The following ELAVL3 variants were observed in gnomAD, a reference collection of about 807,000 sequenced individuals.
ELAVL3 encodes ELAV-like protein 3.
In ELAVL3, 8 loss-of-function variants were observed where a neutral mutation model predicts 34.2. The ratio of observed to expected loss-of-function variants is 0.23; its 90% CI spans 0.14 to 0.42. The LOEUF is 0.42. Among genes scored for constraint, ELAVL3 ranks in the 10% least tolerant of loss-of-function variants. The probability of loss-of-function intolerance (pLI) is 1.00; values close to 1 mark genes in which losing one functional copy is unlikely to be tolerated. For synonymous variants in ELAVL3, 209 were observed against 222.1 expected (o/e 0.94, Z 0.53); for missense variants, 273 against 518.8 (o/e 0.53, Z 4.60).
At position 11,480,555 on chromosome 19, in the gene ELAVL3, C is replaced by T. The variant is rs563109544; in HGVS notation, c.9+45G>A. ...CAATCTCCGCGGAGCCTGGGCCCAA[C>T]TCCTCCCCGTCCCGATTCCCTTTCG... On this transcript the variant is annotated intron_variant, in intron 1 of 6. Transcript: ENST00000359227. The surrounding 1 kb of genome is among the most constrained non-coding windows in gnomAD (Gnocchi z 6.8). 2.7e-5 allele frequency: 41 copies of T among 1,509,030 alleles called. No homozygotes were observed. Among genetic ancestry groups the T allele is most frequent in the Non-Finnish European group, 3.5e-5 (40 of 1,128,974 alleles). 93.5% of individuals were successfully genotyped at this position (1,509,030 alleles called of 1,614,324 possible).
At position 11,455,325 on chromosome 19, in the gene ELAVL3, G is replaced by A. The variant is rs192957521; in HGVS notation, c.753-448C>T. On this transcript the variant is annotated intron_variant, in intron 6 of 6. Coordinates refer to ENST00000359227, the MANE Select transcript of ELAVL3 (RefSeq NM_001420.4). ...TTTTTTTTTTTTTTTTTCTGAGACG[G>A]GGTCTTGCTCTGTTGCCCAGGCTGG... Among the ~76,000 whole-genome samples, 425 of 139,154 alleles carry A rather than the reference G, an allele frequency of 3.1e-3. 1 individual carries two copies. The highest frequency in any genetic ancestry group is 0.011 in the African/African-American group (400 of 36,978). 91.3% of individuals were successfully genotyped at this position (139,154 alleles called of 152,430 possible).
chr19:11,476,380 A>G (rs1379559795), intron 1 of ELAVL3, among the ~76,000 whole-genome samples: 1 of 151,996 alleles, frequency 6.6e-6, no homozygotes, highest in Non-Finnish European at 1.5e-5. Context: ...TTCCACCAAA[A>G]AATTTCCAAA....
rs1391391036 is a variant in ELAVL3 at position 11,451,641 on chromosome 19, G to A, written c.*2885C>T. The A allele has an allele frequency of 6.6e-6, 1 of 151,792 alleles. No individual in the cohort carries two copies. Among genetic ancestry groups the A allele is most frequent in the Non-Finnish European group, 1.5e-5 (1 of 67,850 alleles). 9.4% of individuals were successfully genotyped at this position (151,792 alleles called of 1,614,324 possible). On this transcript the variant is annotated 3_prime_UTR_variant, in exon 7 of 7. Transcript: ENST00000359227. ...CCCTGGCCTGGCCCCTGCCCCCCAG[G>A]GACGTGGAAGCCCCAAGTCCCCCTC... is the stretch of plus-strand genomic sequence containing the variant.
chr19:11,458,583 G>C lies in ELAVL3; in HGVS notation c.362C>G (p.Ser121Cys). 6.2e-7 allele frequency: 1 copy of C among 1,614,030 alleles called. No individual in the cohort carries two copies. Among genetic ancestry groups the C allele is most frequent in the Non-Finnish European group, 8.5e-7 (1 of 1,180,020 alleles). ...GACGTACAGGTTAGCATCCCGGATGGATGCTGAACTGGGTCTGGCATAGGA... is the reference window on the plus strand; with the variant it reads ...GACGTACAGGTTAGCATCCCGGATGCATGCTGAACTGGGTCTGGCATAGGA... ...KVSYARPSSA[S>C]IRDANLYVSG... Residue 121 changes from serine to cysteine, a missense_variant, in exon 4 of 7, where the codon TCC becomes TGC. By Grantham distance (112) the Ser-to-Cys change is moderately radical. This residue lies in a region of ELAVL3 where 102 missense variants were observed against 250.1 expected (regional missense o/e 0.41). Coordinates refer to ENST00000359227, the MANE Select transcript of ELAVL3 (RefSeq NM_001420.4). The surrounding 1 kb of genome is among the most constrained non-coding windows in gnomAD (Gnocchi z 7.3).
intron 6 of ELAVL3, among the ~76,000 whole-genome samples, chr19:11,456,259 C>G (rs140075996): frequency 6.6e-6 from 1 of 151,876 alleles, no homozygotes; most frequent in African/African-American, 2.4e-5. Flanking sequence ...CGCCTGCCAC[C>G]GTGCCCAGCT....
At chr19:11,464,295 G>A (rs1040639709) in intron 3 of ELAVL3, among the ~76,000 whole-genome samples, 27 of 151,400 alleles carry the variant, frequency 1.8e-4, no homozygotes, top group Non-Finnish European at 3.5e-4. Flanking sequence ...CAAGTAGTTG[G>A]GACTACAGGT....
At chr19:11,464,166 T>A (rs1257272995) in intron 3 of ELAVL3, among the ~76,000 whole-genome samples, 1 of 107,930 alleles carries the variant, frequency 9.3e-6, no homozygotes, top group Non-Finnish European at 1.7e-5. Context: ...TATATATATA[T>A]ATTTTTTTTT....
In ELAVL3 at chr19:11,480,523, A is replaced by AC; in HGVS notation, c.9+76dup. The AC allele has an allele frequency of 2.9e-6, 3 of 1,018,314 alleles. No individual in the cohort carries two copies. Among genetic ancestry groups the AC allele is most frequent in the Non-Finnish European group, 3.9e-6 (3 of 770,282 alleles). 63.1% of individuals were successfully genotyped at this position (1,018,314 alleles called of 1,614,324 possible). A position where few individuals can be genotyped will look rare whatever the true frequency, so the allele number is the denominator to read the frequency against. ...GGCCTGGTCCTACCCCCCCCGCCGC[A>AC]CCCGCCCAATCTCCGCGGAGCCTGG... On this transcript the variant is annotated intron_variant, in intron 1 of 6. Coordinates refer to ENST00000359227, the MANE Select transcript of ELAVL3 (RefSeq NM_001420.4). This position sits in a 1 kb window ranked among gnomAD's most constrained non-coding sequence, Gnocchi z 6.8.
chr19:11,467,529 A>G (rs1599543423), intron 1 of ELAVL3, among the ~76,000 whole-genome samples: 2 of 150,844 alleles, frequency 1.3e-5, no homozygotes, highest in East Asian at 2.0e-4. Flanking sequence ...TGTCACCCAG[A>G]CTGGAGTGCA....
intron 6 of ELAVL3, among the ~76,000 whole-genome samples, chr19:11,456,281 T>C (rs1970766933): frequency 6.6e-6 from 1 of 151,756 alleles, no homozygotes. Flanking sequence ...AATTTTTGTA[T>C]TTTTAGTAGA....
rs774489001 is a variant in ELAVL3 at position 11,464,710 on chromosome 19, CCACA to C, written c.333+1458_333+1461del. Among the ~76,000 whole-genome samples the C allele has an allele frequency of 6.8e-5, 9 of 133,180 alleles. No homozygotes were observed. The East Asian group carries it at 6.8e-4, about 10-fold the overall frequency. 87.4% of individuals were successfully genotyped at this position (133,180 alleles called of 152,430 possible). ...CCCCCACACACATACACCACACACA[CCACA>C]CACACACACATCACACACACACCAC... On this transcript the variant is annotated intron_variant, in intron 3 of 6. Coordinates refer to ENST00000359227, the MANE Select transcript of ELAVL3 (RefSeq NM_001420.4).
Position 11,466,893 on chromosome 19 carries a change from G to A in ELAVL3, c.10-66C>T. 7.1e-7 allele frequency: 1 copy of A among 1,399,890 alleles called. No individual in the cohort carries two copies. Among genetic ancestry groups the A allele is most frequent in the Non-Finnish European group, 9.8e-7 (1 of 1,019,420 alleles). The allele number at this position is 1,399,890 out of a possible 1,614,324, so 86.7% of individuals were successfully genotyped here. On this transcript the variant is annotated intron_variant, in intron 1 of 6. Transcript: ENST00000359227. This position sits in a 1 kb window ranked among gnomAD's most constrained non-coding sequence, Gnocchi z 5.0. Reference sequence around the variant, plus strand: ...ACACCAGGGGCCTGCGGCAATGAGTGGCTTGGTGGTGATGAATTAGCCATG... The same window carrying A: ...ACACCAGGGGCCTGCGGCAATGAGTAGCTTGGTGGTGATGAATTAGCCATG...
intron 6 of ELAVL3, among the ~76,000 whole-genome samples, chr19:11,456,903 G>C (rs1341754803): frequency 6.6e-6 from 1 of 152,126 alleles, no homozygotes; most frequent in Non-Finnish European, 1.5e-5. Flanking sequence ...GGCCTCAAGT[G>C]CTCCTTGCCC....
chr19:11,454,213 T>C lies in ELAVL3; in HGVS notation c.*313A>G, dbSNP rs972406589. 2.6e-5 allele frequency: 8 copies of C among 303,958 alleles called. No individual in the cohort carries two copies. The South Asian group carries it at 3.4e-4, about 13-fold the overall frequency. 18.8% of individuals were successfully genotyped at this position (303,958 alleles called of 1,614,324 possible). A position where few individuals can be genotyped will look rare whatever the true frequency, so the allele number is the denominator to read the frequency against. On this transcript the variant is annotated 3_prime_UTR_variant, in exon 7 of 7. Transcript: ENST00000359227. The surrounding 1 kb of genome is among the most constrained non-coding windows in gnomAD (Gnocchi z 9.2). Reference sequence around the variant, plus strand: ...GAGGGTGGGGGTGGGGGCACATCTCTGCATTCTTTTTAGCCGAAAAAAGAA... The same window carrying C: ...GAGGGTGGGGGTGGGGGCACATCTCCGCATTCTTTTTAGCCGAAAAAAGAA...
At chr19:11,468,839 C>G (rs1428420018) in intron 1 of ELAVL3, among the ~76,000 whole-genome samples, 1 of 151,930 alleles carries the variant, frequency 6.6e-6, no homozygotes, top group Admixed American at 6.6e-5. Flanking sequence ...TTCTTTTATT[C>G]CTAGATCCTA....
At chr19:11,468,449 C>T (rs1335094645) in intron 1 of ELAVL3, among the ~76,000 whole-genome samples, 3 of 148,616 alleles carry the variant, frequency 2.0e-5, no homozygotes, top group African/African-American at 5.0e-5. Context: ...GAGTCTCCCT[C>T]TGTCACCCAG....
intron 3 of ELAVL3, among the ~76,000 whole-genome samples, chr19:11,459,651 A>G (rs1970843485): frequency 6.6e-6 from 1 of 150,802 alleles, no homozygotes; most frequent in Non-Finnish European, 1.5e-5. Flanking sequence ...GGCCTCAAGC[A>G]GTTCTCCCAT....
At chr19:11,471,362 C>T (rs1971160228) in intron 1 of ELAVL3, among the ~76,000 whole-genome samples, 1 of 149,330 alleles carries the variant, frequency 6.7e-6, no homozygotes, top group African/African-American at 2.5e-5. Flanking sequence ...TGCCTGTAAT[C>T]CCAGCACTTT....
intron 3 of ELAVL3, among the ~76,000 whole-genome samples, chr19:11,464,912 CACCA>C (rs1158359628): frequency 8.2e-5 from 11 of 133,780 alleles, no homozygotes; most frequent in African/African-American, 2.9e-4. Flanking sequence ...CACAAACACA[CACCA>C]CACACACACC....
Sources: allele counts gnomAD v4.1 joint callset (sites outside exome capture counted in the v4.1 genomes callset), GRCh38; gene constraint gnomAD v4.1.1; regional missense constraint gnomAD v4.1.1; non-coding constraint Gnocchi (gnomAD v3.1); transcripts MANE v1.5; gene names NCBI Gene and HGNC (gene_info 2026-07-23, HGNC 2026-07-21).